GALNT13: variants seen among roughly 807,000 people sequenced by gnomAD.
GALNT13 encodes the protein polypeptide N-acetylgalactosaminyltransferase 13.
GALNT13 carries 28 observed loss-of-function variants against 64.2 expected under a neutral mutation model. That is an observed-to-expected ratio of 0.44 (90% CI 0.32 to 0.60). GALNT13 has a LOEUF of 0.60. Among genes scored for constraint, GALNT13 ranks in the 20% least tolerant of loss-of-function variants. The probability of loss-of-function intolerance (pLI) is 0.05; values close to 1 mark genes in which losing one functional copy is unlikely to be tolerated. For synonymous variants in GALNT13, 214 were observed against 224.6 expected (o/e 0.95, Z 0.42); for missense variants, 577 against 669.8 (o/e 0.86, Z 1.53).
intron 3 of GALNT13, among the ~76,000 whole-genome samples, chr2:153,963,023 A>G (rs1170247676): frequency 6.6e-6 from 1 of 152,202 alleles, no homozygotes; most frequent in Admixed American, 6.5e-5. Context: ...CTGGGTAATT[A>G]TTAAAGAACA....
the GALNT13 span, among the ~76,000 whole-genome samples, chr2:153,637,797 C>T: frequency 3.3e-5 from 5 of 152,282 alleles, no homozygotes; most frequent in East Asian, 9.6e-4. Flanking sequence ...TGCCAACTGA[C>T]ATGATACAGA....
At chr2:153,884,785 A>ATATATATATATAGGTG (rs1450308010) in intron 1 of GALNT13, among the ~76,000 whole-genome samples, 1 of 122,504 alleles carries the variant, frequency 8.2e-6, no homozygotes, top group African/African-American at 3.5e-5. Context: ...ATATATATAT[A>ATATATATATATAGGTG]TGTGTGTGTA....
the GALNT13 span, among the ~76,000 whole-genome samples, chr2:153,738,177 G>T: frequency 2.6e-5 from 4 of 151,878 alleles, no homozygotes; most frequent in East Asian, 5.8e-4. Flanking sequence ...TACATGAATT[G>T]AATATACCTG....
intron 8 of GALNT13, among the ~76,000 whole-genome samples, chr2:154,291,771 C>T (rs1280621213): frequency 3.3e-5 from 5 of 152,384 alleles, no homozygotes; most frequent in Admixed American, 1.3e-4. Flanking sequence ...TGCTGAAGGG[C>T]GCCTTGAGCT....
the GALNT13 span, among the ~76,000 whole-genome samples, chr2:153,673,534 A>G: frequency 2.2e-4 from 33 of 152,190 alleles, no homozygotes; most frequent in Non-Finnish European, 4.3e-4. Context: ...ACTCTTAATA[A>G]AGTAGGTATT....
chr2:154,346,353 C>G (rs1462362320), intron 9 of GALNT13, among the ~76,000 whole-genome samples: 1 of 151,944 alleles, frequency 6.6e-6, no homozygotes, highest in Non-Finnish European at 1.5e-5. Context: ...AACCTTCTTC[C>G]CATTTCTAAA....
the GALNT13 span, among the ~76,000 whole-genome samples, chr2:153,572,345 T>C: frequency 1.1e-4 from 16 of 148,422 alleles, no homozygotes; most frequent in African/African-American, 3.9e-4. Context: ...TTTTTCTCTC[T>C]TTTTTTTTAG....
the GALNT13 span, among the ~76,000 whole-genome samples, chr2:153,495,310 AAAACAAAC>A: frequency 1.3e-5 from 2 of 151,796 alleles, no homozygotes; most frequent in African/African-American, 4.8e-5. Flanking sequence ...ACTCTGTCTC[AAAACAAAC>A]AAACAAACAA....
chr2:154,206,486 G>GT (rs1009594729), intron 4 of GALNT13, among the ~76,000 whole-genome samples: 1 of 151,658 alleles, frequency 6.6e-6, no homozygotes, highest in African/African-American at 2.4e-5. Flanking sequence ...TGGAATCACA[G>GT]TTATCTAGGG....
the GALNT13 span, among the ~76,000 whole-genome samples, chr2:153,800,045 G>GCTCTCTCTCTCTCTCTCT: frequency 0.011 from 1,307 of 118,922 alleles, 42 homozygotes; most frequent in Non-Finnish European, 0.017. Context: ...CATTTAGTTT[G>GCTCTCTCTCTCTCTCTCT]CTCTCTCTCT....
At chr2:154,260,094 C>T (rs983059507) in intron 8 of GALNT13, among the ~76,000 whole-genome samples, 1 of 151,876 alleles carries the variant, frequency 6.6e-6, no homozygotes. Flanking sequence ...CCATGTTGCC[C>T]AGGGTGGTCT....
At chr2:154,312,065 C>A (rs1436246556) in intron 9 of GALNT13, among the ~76,000 whole-genome samples, 1 of 152,058 alleles carries the variant, frequency 6.6e-6, no homozygotes, top group Non-Finnish European at 1.5e-5. Flanking sequence ...ATACATCCTT[C>A]TCGGCTGACA....
intron 4 of GALNT13, among the ~76,000 whole-genome samples, chr2:154,153,578 C>G (rs769789742): frequency 2.2e-4 from 33 of 152,228 alleles, no homozygotes; most frequent in Non-Finnish European, 3.7e-4. Context: ...CTGTGGTGGG[C>G]TCCACCCATT....
rs926558114 is a variant in GALNT13, at chr2:154,452,874, G to T, written c.*2323G>T. The T allele has an allele frequency of 5.9e-5, 9 of 152,242 alleles. No individual in the cohort carries two copies. Among genetic ancestry groups the T allele is most frequent in the African/African-American group, 1.9e-4 (8 of 41,574 alleles). The allele number at this position is 152,242 out of a possible 1,614,324, so 9.4% of individuals were successfully genotyped here. ...CCATGATTGGATTCATAATGCACTT[G>T]TCTTATCCCTTATTTATGGAGCTAG... is the stretch of plus-strand genomic sequence containing the variant. On this transcript the variant is annotated 3_prime_UTR_variant, in exon 13 of 13. Coordinates refer to ENST00000392825, the MANE Select transcript of GALNT13 (RefSeq NM_052917.4).
chr2:154,118,328 T>G (rs1322128514), intron 3 of GALNT13, among the ~76,000 whole-genome samples: 6 of 144,156 alleles, frequency 4.2e-5, no homozygotes, highest in Non-Finnish European at 9.1e-5. Context: ...ATTTTTTTTT[T>G]AAGTATAACT....
At chr2:153,339,818 T>A in the GALNT13 span, among the ~76,000 whole-genome samples, 1 of 152,218 alleles carries the variant, frequency 6.6e-6, no homozygotes, top group Non-Finnish European at 1.5e-5. Flanking sequence ...TTTTTGCACG[T>A]AAATATCCAG....
chr2:153,475,003 G>C, the GALNT13 span, among the ~76,000 whole-genome samples: 1 of 152,146 alleles, frequency 6.6e-6, no homozygotes, highest in Non-Finnish European at 1.5e-5. Flanking sequence ...GGAAAGGACC[G>C]ACACTCCATA....
intron 7 of GALNT13, among the ~76,000 whole-genome samples, chr2:154,249,020 C>T (rs1239894379): frequency 1.3e-5 from 2 of 151,914 alleles, no homozygotes; most frequent in African/African-American, 4.8e-5. Context: ...TCAAGCATAT[C>T]ACCCCTGTAT....
the GALNT13 span, among the ~76,000 whole-genome samples, chr2:153,520,373 C>A: frequency 6.6e-6 from 1 of 151,954 alleles, no homozygotes; most frequent in South Asian, 2.1e-4. Context: ...GTTCATAATT[C>A]TTCAAAATTT....
Sources: allele counts gnomAD v4.1 joint callset (sites outside exome capture counted in the v4.1 genomes callset), GRCh38; gene constraint gnomAD v4.1.1; transcripts MANE v1.5; gene names NCBI Gene and HGNC (gene_info 2026-07-23, HGNC 2026-07-21).